The following TSC22D2 variants were observed in gnomAD, a reference collection of about 807,000 sequenced individuals.
TSC22D2 encodes the protein TSC22 domain family protein 2.
Under a neutral mutation model 50.1 loss-of-function variants are expected in TSC22D2, and 5 were observed. The ratio of observed to expected loss-of-function variants is 0.10; its 90% CI spans 0.05 to 0.21. The LOEUF is 0.21. TSC22D2 is among the 10% of genes least tolerant of loss of function. The pLI is 1.00. For synonymous variants in TSC22D2, 501 were observed against 450.1 expected (o/e 1.11, Z -1.43); for missense variants, 1,003 against 1,015.5 (o/e 0.99, Z 0.17).
At chr3:150,422,786 G>A (rs1376316995) in intron 1 of TSC22D2, among the ~76,000 whole-genome samples, 2 of 152,158 alleles carry the variant, frequency 1.3e-5, no homozygotes, top group Non-Finnish European at 2.9e-5. Context: ...AAAATTGGAT[G>A]CTACTTAGTA....
At chr3:150,457,033 G>A (rs1237398674) in intron 1 of TSC22D2, 43 bp from the exon 2 acceptor site, 1 of 1,566,052 alleles carries the variant, frequency 6.4e-7, no homozygotes, top group East Asian at 2.3e-5. Context: ...TTGGAAGGGA[G>A]GTTAAATTTT....
At chr3:150,453,864 A>G (rs755990027) in intron 1 of TSC22D2, among the ~76,000 whole-genome samples, 2 of 152,224 alleles carry the variant, frequency 1.3e-5, no homozygotes, top group Non-Finnish European at 2.9e-5. Flanking sequence ...AAAGAGCTCA[A>G]TCTAATAGGA....
At chr3:150,418,202 A>G (rs1443816765) in intron 1 of TSC22D2, among the ~76,000 whole-genome samples, 1 of 152,038 alleles carries the variant, frequency 6.6e-6, no homozygotes, top group African/African-American at 2.4e-5. Context: ...ATGCTCTGTG[A>G]GTAGTGAGCA....
At chr3:150,451,629 T>C (rs1214889701) in intron 1 of TSC22D2, among the ~76,000 whole-genome samples, 1 of 152,204 alleles carries the variant, frequency 6.6e-6, no homozygotes, top group Non-Finnish European at 1.5e-5. Context: ...TGACATTAGG[T>C]CCAGGTTTGA....
intron 1 of TSC22D2, among the ~76,000 whole-genome samples, chr3:150,448,270 G>A (rs148932898): frequency 3.0e-3 from 460 of 152,248 alleles, no homozygotes; most frequent in Non-Finnish European, 5.1e-3. Flanking sequence ...TAGCCTAGGA[G>A]TTAGAGACCA....
chr3:150,411,033 A>G lies in TSC22D2; in HGVS notation c.1683A>G (p.Leu561=), dbSNP rs753814825. 1 of 1,614,204 alleles carries G rather than the reference A, an allele frequency of 6.2e-7. No homozygotes were observed. The highest frequency in any genetic ancestry group is 8.5e-7 in the Non-Finnish European group (1 of 1,180,032). Residue 561 remains leucine (L), a synonymous_variant, in exon 1 of 3, where the codon TTA becomes TTG. Coordinates refer to ENST00000688009, the MANE Select transcript of TSC22D2 (RefSeq NM_001303264.2). ...TAATCCAGCATGTTGGGCTGCCCTTAGCGCCAGGCACACACAGCGCACCAA... is the reference window on the plus strand; with the variant it reads ...TAATCCAGCATGTTGGGCTGCCCTTGGCGCCAGGCACACACAGCGCACCAA... ...SSIIQHVGLP[L]APGTHSAPTS...
At chr3:150,426,784 A>G (rs1322246215) in intron 1 of TSC22D2, among the ~76,000 whole-genome samples, 1 of 152,192 alleles carries the variant, frequency 6.6e-6, no homozygotes, top group African/African-American at 2.4e-5. Context: ...TTAACTTAAA[A>G]TGAAAGTCTA....
At position 150,437,693 on chromosome 3, in the gene TSC22D2, A is replaced by G. The variant is rs544905491; in HGVS notation, c.1959-19383A>G. 6.6e-5 allele frequency among the ~76,000 whole-genome samples: 10 copies of G among 151,636 alleles called. No homozygotes were observed. The East Asian group carries it at 1.9e-3, about 29-fold the overall frequency. ...CGTGGTGGCACGTGCCTGTAATCCC[A>G]CCTACTCGGGAGGCTGAGGCAGGAG... On this transcript the variant is annotated intron_variant, in intron 1 of 2. Coordinates refer to ENST00000688009, the MANE Select transcript of TSC22D2 (RefSeq NM_001303264.2).
At position 150,466,006 on chromosome 3, in the gene TSC22D2, A is replaced by T. The variant is rs1212633953; in HGVS notation, c.*7370A>T. On this transcript the variant is annotated 3_prime_UTR_variant, in exon 3 of 3. Coordinates refer to ENST00000688009, the MANE Select transcript of TSC22D2 (RefSeq NM_001303264.2). ...CTACTGTAATACTATGAAATTGGAA[A>T]AACCAAAATACTCATCAAGAGGATG... 1 of 152,212 alleles carries T rather than the reference A, an allele frequency of 6.6e-6. No homozygotes were observed. Among genetic ancestry groups the T allele is most frequent in the Non-Finnish European group, 1.5e-5 (1 of 68,034 alleles). 9.4% of individuals were successfully genotyped at this position (152,212 alleles called of 1,614,324 possible).
At chr3:150,430,155 T>G (rs564423586) in intron 1 of TSC22D2, among the ~76,000 whole-genome samples, 3 of 152,250 alleles carry the variant, frequency 2.0e-5, no homozygotes, top group South Asian at 2.1e-4. Context: ...GGTCAAAGCT[T>G]CTTCAGGAGG....
intron 1 of TSC22D2, among the ~76,000 whole-genome samples, chr3:150,435,916 G>T (rs1576550537): frequency 1.7e-5 from 1 of 59,200 alleles, no homozygotes; most frequent in South Asian, 5.2e-4. Context: ...GATAATATTA[G>T]TACAGTTTTC....
chr3:150,466,285 C>G lies in TSC22D2; in HGVS notation c.*7649C>G, dbSNP rs1721543397. On this transcript the variant is annotated 3_prime_UTR_variant, in exon 3 of 3. Transcript: ENST00000688009. ...TTTGTGTATTATATAGAGAGAAGGT[C>G]TGGAAGGATACTAACCAAACTGTCA... 1.3e-5 allele frequency: 2 copies of G among 151,790 alleles called. No homozygotes were observed. The highest frequency in any genetic ancestry group is 4.8e-5 in the African/African-American group (2 of 41,286). The allele number at this position is 151,790 out of a possible 1,614,324, so 9.4% of individuals were successfully genotyped here.
chr3:150,419,479 G>GTAT (rs1719935635), intron 1 of TSC22D2, among the ~76,000 whole-genome samples: 1 of 151,956 alleles, frequency 6.6e-6, no homozygotes, highest in Non-Finnish European at 1.5e-5. Flanking sequence ...TCTTCATATT[G>GTAT]TATGTCCCTG....
chr3:150,438,271 G>A (rs1720614334), intron 1 of TSC22D2: 2 of 414,392 alleles, frequency 4.8e-6, no homozygotes, highest in South Asian at 1.8e-5. Context: ...TTTAAAAGTT[G>A]TGATGCCCTC....
chr3:150,429,937 A>G (rs77600315), intron 1 of TSC22D2, among the ~76,000 whole-genome samples: 2,258 of 152,272 alleles, frequency 0.015, 69 homozygotes, highest in African/African-American at 0.052. Context: ...AGCTGAGGGA[A>G]AATACCAGGA....
intron 1 of TSC22D2, among the ~76,000 whole-genome samples, chr3:150,443,774 A>G (rs946695761): frequency 1.3e-5 from 2 of 152,224 alleles, no homozygotes; most frequent in African/African-American, 4.8e-5. Context: ...ACACATAGAT[A>G]CTTATGAGGC....
intron 1 of TSC22D2, among the ~76,000 whole-genome samples, chr3:150,421,439 C>T (rs2108069024): frequency 6.6e-6 from 1 of 152,208 alleles, no homozygotes; most frequent in South Asian, 2.1e-4. Context: ...AGTGGCCTGA[C>T]AAATACATCT....
Position 150,465,522 on chromosome 3 carries a change from A to T in TSC22D2, c.*6886A>T, listed in dbSNP as rs1028954890. Reference sequence around the variant, plus strand: ...ACCCATTAAATTTTAAAAGTCACATACCCTGTGACCTAACAATTCCAACTT... The same window carrying T: ...ACCCATTAAATTTTAAAAGTCACATTCCCTGTGACCTAACAATTCCAACTT... On this transcript the variant is annotated 3_prime_UTR_variant, in exon 3 of 3. Transcript: ENST00000688009. 4 of 152,192 alleles carry T rather than the reference A, an allele frequency of 2.6e-5. No homozygotes were observed. The highest frequency in any genetic ancestry group is 9.6e-5 in the African/African-American group (4 of 41,454). The allele number at this position is 152,192 out of a possible 1,614,324, so 9.4% of individuals were successfully genotyped here. A position where few individuals can be genotyped will look rare whatever the true frequency, so the allele number is the denominator to read the frequency against.
Position 150,410,103 on chromosome 3 carries a change from G to A in TSC22D2, c.753G>A (p.Gln251=), listed in dbSNP as rs144580884. The A allele has an allele frequency of 1.7e-5, 27 of 1,612,610 alleles. No individual in the cohort carries two copies. The African/African-American group carries it at 3.1e-4, about 18-fold the overall frequency. The part of the protein sequence containing the change: ...GTDSSLTAVS[Q]LPPSEKMSQP... ...ACAGCTCCTTGACTGCTGTGTCACA[G>A]CTACCCCCGTCGGAGAAAATGAGCC... is the stretch of plus-strand genomic sequence containing the variant. The change falls in exon 1 of 3, where the codon CAG becomes CAA. Residue 251 remains glutamine (Q), a synonymous_variant. Transcript: ENST00000688009.
Sources: allele counts gnomAD v4.1 joint callset (sites outside exome capture counted in the v4.1 genomes callset), GRCh38; gene constraint gnomAD v4.1.1; transcripts MANE v1.5; gene names NCBI Gene and HGNC (gene_info 2026-07-23, HGNC 2026-07-21).